AGAP1: variants seen among roughly 807,000 people sequenced by gnomAD.
The protein encoded by AGAP1 is ArfGAP with GTPase domain, ankyrin repeat and PH domain 1, also known as arf-GAP with GTPase, ANK repeat and PH domain-containing protein 1.
AGAP1 carries 29 observed loss-of-function variants against 105.3 expected under a neutral mutation model. The observed-to-expected ratio is 0.28, with a 90% CI of 0.21 to 0.38. AGAP1 has a LOEUF of 0.38. AGAP1 is among the 10% of genes least tolerant of loss of function. AGAP1 has a pLI of 1.00. For synonymous variants in AGAP1, 509 were observed against 485.9 expected (o/e 1.05, Z -0.63); for missense variants, 998 against 1,165.1 (o/e 0.86, Z 2.09).
intron 1 of AGAP1, among the ~76,000 whole-genome samples, chr2:235,666,649 T>G (rs888038521): frequency 2.6e-5 from 4 of 150,962 alleles, no homozygotes; most frequent in Non-Finnish European, 4.4e-5. Flanking sequence ...GAATGGATTC[T>G]TCTACTCCGC....
intron 8 of AGAP1, among the ~76,000 whole-genome samples, chr2:235,803,021 G>GATGGTT (rs879621215): frequency 6.8e-6 from 1 of 147,586 alleles, no homozygotes; most frequent in African/African-American, 2.5e-5. Context: ...TTGTGATGGT[G>GATGGTT]GTGATGGTTG....
chr2:235,860,859 A>G (rs2048899940), intron 9 of AGAP1, among the ~76,000 whole-genome samples: 1 of 152,232 alleles, frequency 6.6e-6, no homozygotes, highest in Non-Finnish European at 1.5e-5. Context: ...TTATTTGCCA[A>G]AACGGAGATG....
rs1407322100 is a variant in AGAP1 at position 235,655,251 on chromosome 2, T to C, written c.164-53928T>C. Among the ~76,000 whole-genome samples the C allele has an allele frequency of 6.6e-6, 1 of 152,220 alleles. No individual in the cohort carries two copies. Among genetic ancestry groups the C allele is most frequent in the Non-Finnish European group, 1.5e-5 (1 of 68,036 alleles). ...GGTCGTTGTCTCCATTTTTGTTCTT[T>C]AAAGCACTTTATTCCATTGGGATAT... On this transcript the variant is annotated intron_variant, in intron 1 of 17. Transcript: ENST00000304032. The surrounding 1 kb of genome is among the most constrained non-coding windows in gnomAD (Gnocchi z 4.3).
chr2:235,804,862 G>A (rs911833656), intron 8 of AGAP1, among the ~76,000 whole-genome samples: 3 of 152,178 alleles, frequency 2.0e-5, no homozygotes, highest in African/African-American at 7.2e-5. Context: ...GGTCACTCCT[G>A]GCAGACGCCG....
chr2:235,850,074 C>G (rs970478891), intron 9 of AGAP1, among the ~76,000 whole-genome samples: 11 of 152,204 alleles, frequency 7.2e-5, no homozygotes, highest in Non-Finnish European at 2.9e-5. Flanking sequence ...CCCACCCACC[C>G]CACGGTGTCC....
intron 1 of AGAP1, among the ~76,000 whole-genome samples, chr2:235,537,100 C>T (rs1156407422): frequency 2.6e-5 from 4 of 152,324 alleles, no homozygotes; most frequent in East Asian, 3.9e-4. Context: ...CAGACTCAAA[C>T]GCATCTTCAC....
intron 1 of AGAP1, among the ~76,000 whole-genome samples, chr2:235,672,065 A>G (rs1450684934): frequency 1.3e-5 from 2 of 152,214 alleles, no homozygotes; most frequent in African/African-American, 4.8e-5. Flanking sequence ...AAAAAATATT[A>G]TTCATCCTCT....
In AGAP1 at chr2:235,976,577, G is replaced by A. The variant is rs1263294134; in HGVS notation, c.1645+7954G>A. Among the ~76,000 whole-genome samples the A allele has an allele frequency of 6.6e-6, 1 of 152,192 alleles. No individual in the cohort carries two copies. The highest frequency in any genetic ancestry group is 2.4e-5 in the African/African-American group (1 of 41,454). ...TTTTTTAACCACACACAAACTTAAA[G>A]GGGTTAGATTCAGGTCCAAAAATGT... On this transcript the variant is annotated intron_variant, in intron 13 of 17. Coordinates refer to ENST00000304032, the MANE Select transcript of AGAP1 (RefSeq NM_001037131.3). This position sits in a 1 kb window ranked among gnomAD's most constrained non-coding sequence, Gnocchi z 4.5.
intron 1 of AGAP1, among the ~76,000 whole-genome samples, chr2:235,695,413 C>T (rs192383109): frequency 1.1e-3 from 169 of 152,308 alleles, no homozygotes; most frequent in African/African-American, 4.0e-3. Context: ...CTGCTGTTGT[C>T]AGATCAGTTG....
intron 16 of AGAP1, among the ~76,000 whole-genome samples, chr2:236,067,669 G>A (rs187627690): frequency 2.6e-5 from 4 of 152,172 alleles, no homozygotes; most frequent in Admixed American, 6.5e-5. Context: ...GGAGTAACAC[G>A]TATTGGAAGA....
chr2:235,498,325 A>G (rs1241240737), intron 1 of AGAP1, among the ~76,000 whole-genome samples: 1 of 151,468 alleles, frequency 6.6e-6, no homozygotes, highest in Non-Finnish European at 1.5e-5. Flanking sequence ...TTCACCCCCA[A>G]ATCACTAGAG....
rs1227697886 is a variant in AGAP1 at position 235,622,645 on chromosome 2, C to A, written c.164-86534C>A. Among the ~76,000 whole-genome samples the A allele has an allele frequency of 6.6e-6, 1 of 152,048 alleles. No individual in the cohort carries two copies. The highest frequency in any genetic ancestry group is 1.5e-5 in the Non-Finnish European group (1 of 68,028). On this transcript the variant is annotated intron_variant, in intron 1 of 17. Coordinates refer to ENST00000304032, the MANE Select transcript of AGAP1 (RefSeq NM_001037131.3). The surrounding 1 kb of genome is among the most constrained non-coding windows in gnomAD (Gnocchi z 5.0). ...GAATGCGACCTATGAAATTGGGAGC[C>A]CTGGCTGGATCAGAAGCACATGGTT...
At chr2:236,022,403 G>A (rs575031322) in intron 13 of AGAP1, among the ~76,000 whole-genome samples, 49 of 152,288 alleles carry the variant, frequency 3.2e-4, no homozygotes, top group African/African-American at 1.1e-3. Context: ...GCTGAGAACC[G>A]TGAACTGCGT....
chr2:235,715,692 C>G (rs576188757), intron 2 of AGAP1, among the ~76,000 whole-genome samples: 2 of 152,282 alleles, frequency 1.3e-5, no homozygotes, highest in African/African-American at 4.8e-5. Flanking sequence ...AGGAACCTCT[C>G]TGGTGTTCTC....
intron 1 of AGAP1, among the ~76,000 whole-genome samples, chr2:235,694,183 A>T (rs1372834950): frequency 6.7e-6 from 1 of 148,712 alleles, no homozygotes; most frequent in African/African-American, 2.6e-5. Context: ...GCCTCTACTA[A>T]AAATACAAAA....
rs1326600242 is a variant in AGAP1 at position 235,971,746 on chromosome 2, TTTATTTA to T, written c.1645+3126_1645+3132del. ...AGCTAGTTATATATGTTTTATTTTA[TTTATTTA>T]TTTATTTATTTATTTATTTATTTAT... On this transcript the variant is annotated intron_variant, in intron 13 of 17. Transcript: ENST00000304032. This position sits in a 1 kb window ranked among gnomAD's most constrained non-coding sequence, Gnocchi z 4.8. 1.5e-4 allele frequency among the ~76,000 whole-genome samples: 14 copies of T among 92,032 alleles called. No individual in the cohort carries two copies. The highest frequency in any genetic ancestry group is 6.2e-4 in the African/African-American group (14 of 22,508). 60.4% of individuals were successfully genotyped at this position (92,032 alleles called of 152,430 possible).
chr2:236,120,492 A>G lies in AGAP1; in HGVS notation c.2370+45A>G. On this transcript the variant is annotated intron_variant, in intron 17 of 17. Transcript: ENST00000304032. The surrounding 1 kb of genome is among the most constrained non-coding windows in gnomAD (Gnocchi z 6.0). ...GGCAGAGGACGGGGCCACAGGAGGC[A>G]CTCTCTGCTTTGTTCTGCTTCCGTG... The G allele has an allele frequency of 6.2e-7, 1 of 1,607,102 alleles. No homozygotes were observed.
intron 1 of AGAP1, among the ~76,000 whole-genome samples, chr2:235,542,220 G>T (rs76685746): frequency 7.9e-5 from 12 of 151,418 alleles, no homozygotes; most frequent in South Asian, 6.3e-4. Context: ...TGGGTCCCGG[G>T]GGGGGGCCAG....
At chr2:235,603,948 A>T (rs1250760519) in intron 1 of AGAP1, among the ~76,000 whole-genome samples, 1 of 152,062 alleles carries the variant, frequency 6.6e-6, no homozygotes, top group Non-Finnish European at 1.5e-5. Flanking sequence ...TGGCACAGGC[A>T]CCCATCAAAA....
Sources: gnomAD v4.1 joint callset for allele counts (sites outside exome capture counted in the v4.1 genomes callset) on GRCh38, gnomAD v4.1.1 for gene constraint, Gnocchi (gnomAD v3.1) non-coding constraint, MANE v1.5 for transcripts, NCBI Gene and HGNC (gene_info 2026-07-23, HGNC 2026-07-21) for gene names.